The following RP1 variants were observed in gnomAD, a reference collection of about 807,000 sequenced individuals.
RP1 encodes the protein RP1 axonemal microtubule associated.
A neutral mutation model predicts 14.8 loss-of-function variants in RP1; 16 were observed. That is an observed-to-expected ratio of 1.08 (90% confidence interval 0.73 to 1.65). The LOEUF (loss-of-function observed/expected upper bound fraction) is 1.65. Among genes scored for constraint, RP1 ranks in the 40% most tolerant of loss-of-function variants. The pLI is 0.00. For missense variants in RP1, 2,631 were observed against 2,535.0 expected, an observed-to-expected ratio of 1.04 and a Z score of -0.81; for synonymous variants, 876 against 883.6, an observed-to-expected ratio of 0.99 and a Z score of 0.15.
intron 15 of RP1, among the ~76,000 whole-genome samples, chr8:54,707,545 T>A (rs1808180281): frequency 6.6e-6 from 1 of 152,248 alleles, no homozygotes; most frequent in African/African-American, 2.4e-5. Context: ...ACATTTAACC[T>A]CCCTGTTAAT....
intron 1 of RP1, among the ~76,000 whole-genome samples, chr8:54,603,222 T>C (rs1288647870): frequency 5.3e-5 from 8 of 152,068 alleles, no homozygotes; most frequent in African/African-American, 1.9e-4. Flanking sequence ...GTATAAGGTG[T>C]AAGGAAGGGA....
chr8:54,776,990 T>C (rs1810057483), intron 23 of RP1, among the ~76,000 whole-genome samples: 2 of 152,212 alleles, frequency 1.3e-5, no homozygotes. Context: ...CTGCTGAGTG[T>C]TCTGGTTAGC....
At chr8:54,702,700 C>A (rs1808054752) in intron 14 of RP1, among the ~76,000 whole-genome samples, 1 of 152,114 alleles carries the variant, frequency 6.6e-6, no homozygotes, top group African/African-American at 2.4e-5. Flanking sequence ...AAAGATTTCT[C>A]TATAGCATGC....
chr8:54,758,984 T>G, exon 22 of RP1: 5 of 1,535,952 alleles, frequency 3.3e-6, no homozygotes, highest in Non-Finnish European at 4.4e-6. Context: ...TGTTGCGCTG[T>G]GAGGCCAGTG....
chr8:54,785,953 A>G (rs555389406), intron 24 of RP1, among the ~76,000 whole-genome samples: 1 of 152,218 alleles, frequency 6.6e-6, no homozygotes, highest in Admixed American at 6.5e-5. Context: ...AATGAGTTTA[A>G]GAGTTCGTTA....
chr8:54,618,049 C>T (rs1281104605), intron 1 of RP1, among the ~76,000 whole-genome samples: 1 of 152,124 alleles, frequency 6.6e-6, no homozygotes, highest in Non-Finnish European at 1.5e-5. Context: ...CTAGGAGTTC[C>T]CAGAGATTCT....
chr8:54,570,936 C>T (rs916178564), intron 1 of RP1, among the ~76,000 whole-genome samples: 4 of 152,128 alleles, frequency 2.6e-5, no homozygotes, highest in Non-Finnish European at 4.4e-5. Context: ...GCACTGCTGC[C>T]GCAGCTGTAA....
chr8:54,603,351 T>C (rs897387129), intron 1 of RP1, among the ~76,000 whole-genome samples: 1 of 152,124 alleles, frequency 6.6e-6, no homozygotes, highest in Non-Finnish European at 1.5e-5. Flanking sequence ...TGGTTGTAGA[T>C]ATGCGGCATT....
intron 24 of RP1, among the ~76,000 whole-genome samples, chr8:54,789,093 G>T (rs554285047): frequency 1.3e-5 from 2 of 152,286 alleles, no homozygotes; most frequent in Non-Finnish European, 2.9e-5. Flanking sequence ...GAGGGACTTG[G>T]CAGGGCTAGA....
At chr8:54,573,080 T>C (rs560724256) in intron 1 of RP1, among the ~76,000 whole-genome samples, 2 of 152,320 alleles carry the variant, frequency 1.3e-5, no homozygotes, top group Admixed American at 1.3e-4. Context: ...TATTGCTCAT[T>C]ACAATGCTCA....
At chr8:54,654,651 C>G (rs868318742) in intron 5 of RP1, among the ~76,000 whole-genome samples, 8 of 152,074 alleles carry the variant, frequency 5.3e-5, no homozygotes, top group Admixed American at 4.6e-4. Flanking sequence ...GAAAATCTGA[C>G]TTTTTTTCCT....
intron 24 of RP1, among the ~76,000 whole-genome samples, chr8:54,798,273 A>G (rs527468224): frequency 1.3e-5 from 2 of 152,186 alleles, no homozygotes; most frequent in African/African-American, 2.4e-5. Context: ...CGGCCTCTCA[A>G]AGTGCTGGGA....
rs775022086 is a variant in RP1 at position 54,626,505 on chromosome 8, G to A, written c.2623G>A (p.Asp875Asn). The change falls in exon 4 of 4, where the codon GAT becomes AAT. Residue 875 changes from aspartate (D) to asparagine (N), a missense_variant. Asp to Asn is a conservative substitution (Grantham distance 23). Coordinates refer to ENST00000220676, the MANE Select transcript of RP1 (RefSeq NM_006269.2). Reference protein sequence around the residue: ...TLKSQKKRKGDKVKASAILSK... With the variant: ...TLKSQKKRKGNKVKASAILSK... ...AAAAAGCCAGAAAAAACGTAAAGGGGATAAAGTGAAAGCAAGTGCTATTTT... is the reference window on the plus strand; with the variant it reads ...AAAAAGCCAGAAAAAACGTAAAGGGAATAAAGTGAAAGCAAGTGCTATTTT... 23 of 1,613,618 alleles carry A rather than the reference G, an allele frequency of 1.4e-5. No individual in the cohort carries two copies. The South Asian group carries it at 2.2e-4, about 15-fold the overall frequency.
At chr8:54,827,039 TA>T (rs1442712938) in intron 24 of RP1, among the ~76,000 whole-genome samples, 10 of 152,182 alleles carry the variant, frequency 6.6e-5, no homozygotes, top group South Asian at 4.1e-4. Context: ...ATATGAAAGA[TA>T]AAAAATGGTA....
At chr8:54,711,518 A>G (rs1808293229) in intron 15 of RP1, among the ~76,000 whole-genome samples, 1 of 152,184 alleles carries the variant, frequency 6.6e-6, no homozygotes. Flanking sequence ...CAGCAAGACA[A>G]AGGGAGGAGG....
intron 15 of RP1, among the ~76,000 whole-genome samples, chr8:54,716,501 T>C (rs1808408093): frequency 6.6e-6 from 1 of 152,172 alleles, no homozygotes; most frequent in South Asian, 2.1e-4. Context: ...ATTTGGTTTG[T>C]CCCTGAATGT....
chr8:54,766,919 T>C (rs930312900), intron 22 of RP1, among the ~76,000 whole-genome samples: 3 of 152,160 alleles, frequency 2.0e-5, no homozygotes, highest in African/African-American at 4.8e-5. Context: ...TTCCATTCCT[T>C]TAATATCATC....
intron 3 of RP1, among the ~76,000 whole-genome samples, chr8:54,640,258 CA>C (rs1366316569): frequency 6.6e-6 from 1 of 152,008 alleles, no homozygotes; most frequent in Non-Finnish European, 1.5e-5. Flanking sequence ...AGTCTTTTGT[CA>C]AAAGTTAATT....
chr8:54,662,986 A>T (rs542526126), intron 6 of RP1, among the ~76,000 whole-genome samples: 1 of 152,276 alleles, frequency 6.6e-6, no homozygotes, highest in Non-Finnish European at 1.5e-5. Context: ...CCTTGATCTC[A>T]GTTCTTCAAA....
Sources: allele counts gnomAD v4.1 joint callset (sites outside exome capture counted in the v4.1 genomes callset), GRCh38; gene constraint gnomAD v4.1.1; transcripts MANE v1.5; gene names NCBI Gene and HGNC (gene_info 2026-07-23, HGNC 2026-07-21).